Variants in NRF1 observed in about 807,000 individuals in gnomAD.
The protein encoded by NRF1 is nuclear respiratory factor 1, also known as alpha palindromic-binding protein.
Under a neutral mutation model 58.5 loss-of-function variants are expected in NRF1, and 5 were observed. The observed-to-expected ratio is 0.09, with a 90% CI of 0.04 to 0.18. The LOEUF (loss-of-function observed/expected upper bound fraction) is 0.18. Ranked by LOEUF, NRF1 falls within the 10% of genes least tolerant of loss-of-function variation. The pLI is 1.00. For synonymous variants in NRF1, 224 were observed against 246.7 expected, an observed-to-expected ratio of 0.91 and a Z score of 0.86; for missense variants, 288 against 657.7, an observed-to-expected ratio of 0.44 and a Z score of 6.15.
chr7:129,662,307 T>C (rs963345982), intron 2 of NRF1, among the ~76,000 whole-genome samples: 6 of 152,162 alleles, frequency 3.9e-5, no homozygotes, highest in Non-Finnish European at 7.4e-5. Flanking sequence ...CATTGACTTA[T>C]TAATTTTGGT....
At chr7:129,706,243 A>G (rs892024178) in intron 5 of NRF1, among the ~76,000 whole-genome samples, 14 of 152,204 alleles carry the variant, frequency 9.2e-5, no homozygotes, top group South Asian at 2.1e-4. Context: ...TTTAGTTGCC[A>G]TAGTTAAAAG....
At chr7:129,685,195 T>C (rs572843074) in intron 4 of NRF1, among the ~76,000 whole-genome samples, 34 of 152,364 alleles carry the variant, frequency 2.2e-4, no homozygotes, top group African/African-American at 8.2e-4. Flanking sequence ...AAAAAAATTA[T>C]GGTATCTTGT....
At chr7:129,721,414 CT>C (rs1200640421) in intron 9 of NRF1, among the ~76,000 whole-genome samples, 15 of 146,978 alleles carry the variant, frequency 1.0e-4, no homozygotes, top group Admixed American at 2.7e-4. Flanking sequence ...TAGAATTTGT[CT>C]TTTTTTTTGT....
At chr7:129,711,416 G>C (rs1341820771) in intron 7 of NRF1, 59 bp from the exon 8 acceptor site, 1 of 1,296,576 alleles carries the variant, frequency 7.7e-7, no homozygotes, top group East Asian at 2.4e-5. Flanking sequence ...CAGCTTCTGA[G>C]TAAAGAGGTG....
At chr7:129,668,954 C>T (rs1418360144) in intron 2 of NRF1, among the ~76,000 whole-genome samples, 1 of 152,060 alleles carries the variant, frequency 6.6e-6, no homozygotes, top group East Asian at 1.9e-4. Flanking sequence ...CTCCTGTCTC[C>T]TCTCCTTTTT....
chr7:129,613,133 G>A (rs1237408886), intron 1 of NRF1, among the ~76,000 whole-genome samples: 2 of 152,220 alleles, frequency 1.3e-5, no homozygotes, highest in African/African-American at 4.8e-5. Context: ...GTCAGCTTGG[G>A]CAGTGTTGGG....
chr7:129,722,935 G>A (rs2116236418), intron 9 of NRF1, among the ~76,000 whole-genome samples: 1 of 152,282 alleles, frequency 6.6e-6, no homozygotes, highest in South Asian at 2.1e-4. Context: ...TATAAACAAA[G>A]ATCCTAATTC....
At chr7:129,655,573 G>A (rs977620981) in intron 1 of NRF1, among the ~76,000 whole-genome samples, 1 of 151,796 alleles carries the variant, frequency 6.6e-6, no homozygotes, top group Non-Finnish European at 1.5e-5. Flanking sequence ...CCAGGCTGGA[G>A]CGTAGTGGCA....
At chr7:129,628,444 A>C (rs117387048) in intron 1 of NRF1, among the ~76,000 whole-genome samples, 1 of 152,186 alleles carries the variant, frequency 6.6e-6, no homozygotes, top group African/African-American at 2.4e-5. Context: ...TGCTTAATTT[A>C]AAAAATAACC....
intron 10 of NRF1, among the ~76,000 whole-genome samples, chr7:129,734,130 A>G (rs78739470): frequency 6.6e-6 from 1 of 152,204 alleles, no homozygotes; most frequent in East Asian, 1.9e-4. Context: ...CTGTCTCTCA[A>G]TCCTGTTGTA....
At chr7:129,687,119 T>C (rs1271759969) in intron 4 of NRF1, among the ~76,000 whole-genome samples, 1 of 152,210 alleles carries the variant, frequency 6.6e-6, no homozygotes, top group Non-Finnish European at 1.5e-5. Context: ...CCAACCCTTT[T>C]GAATTACTTC....
chr7:129,657,633 A>T (rs1260879140), intron 2 of NRF1, 59 bp downstream of exon 2: 1 of 1,004,820 alleles, frequency 1.0e-6, no homozygotes, highest in Admixed American at 2.5e-5. Context: ...TTTTGGAGAC[A>T]GCGTCTCACT....
chr7:129,661,081 C>T (rs1444669189), intron 2 of NRF1, among the ~76,000 whole-genome samples: 3 of 151,390 alleles, frequency 2.0e-5, no homozygotes, highest in Non-Finnish European at 4.4e-5. Context: ...TTGGGGCTTG[C>T]AGCCCCTGAA....
At chr7:129,649,752 T>A (rs752856415) in intron 1 of NRF1, among the ~76,000 whole-genome samples, 1 of 152,154 alleles carries the variant, frequency 6.6e-6, no homozygotes, top group Non-Finnish European at 1.5e-5. Context: ...AAGGACTTTT[T>A]AATTTAATTT....
At chr7:129,644,195 A>G (rs1294611675) in intron 1 of NRF1, among the ~76,000 whole-genome samples, 2 of 152,200 alleles carry the variant, frequency 1.3e-5, no homozygotes, top group East Asian at 1.9e-4. Context: ...GTCTTTCAGT[A>G]TACACTTATT....
At chr7:129,734,584 G>A (rs1562987875) in intron 10 of NRF1, among the ~76,000 whole-genome samples, 1 of 152,324 alleles carries the variant, frequency 6.6e-6, no homozygotes, top group African/African-American at 2.4e-5. Flanking sequence ...TGAGTGCCCC[G>A]GGCTCAGCAG....
chr7:129,636,308 C>T (rs1263423023), intron 1 of NRF1, among the ~76,000 whole-genome samples: 1 of 148,714 alleles, frequency 6.7e-6, no homozygotes, highest in Non-Finnish European at 1.5e-5. Context: ...GATCTCGGCT[C>T]ACTGCAACCT....
chr7:129,648,798 T>A (rs1801470325), intron 1 of NRF1, among the ~76,000 whole-genome samples: 1 of 152,210 alleles, frequency 6.6e-6, no homozygotes, highest in African/African-American at 2.4e-5. Context: ...GCCTTATCTT[T>A]GCTTTTTCAT....
intron 5 of NRF1, among the ~76,000 whole-genome samples, chr7:129,707,432 CTA>C (rs752352361): frequency 5.9e-5 from 9 of 152,122 alleles, no homozygotes; most frequent in Non-Finnish European, 1.2e-4. Flanking sequence ...TTATGAAAGT[CTA>C]TATCAATTTA....
Sources: gnomAD v4.1 joint callset for allele counts (sites outside exome capture counted in the v4.1 genomes callset) on GRCh38, gnomAD v4.1.1 for gene constraint, MANE v1.5 for transcripts, NCBI Gene and HGNC (gene_info 2026-07-23, HGNC 2026-07-21) for gene names.